DDX50: variants seen among roughly 807,000 people sequenced by gnomAD.
The protein encoded by DDX50 is DExD-box helicase 50.
A neutral mutation model predicts 94.8 loss-of-function variants in DDX50; 56 were observed. The observed-to-expected ratio is 0.59, with a 90% CI of 0.48 to 0.74. DDX50 has a LOEUF of 0.74. DDX50 is among the 30% of genes least tolerant of loss of function. DDX50 has a pLI of 0.00. For missense variants in DDX50, 713 were observed against 881.2 expected, an observed-to-expected ratio of 0.81 and a Z score of 2.42; for synonymous variants, 264 against 295.4, an observed-to-expected ratio of 0.89 and a Z score of 1.09.
At chr10:68,946,274 G>T in intron 14 of DDX50, 78 bp from the exon 15 acceptor site, 1 of 1,480,460 alleles carries the variant, frequency 6.8e-7, no homozygotes, top group Non-Finnish European at 9.0e-7. Flanking sequence ...ATATGAAAAA[G>T]GTGTCTTCTT....
chr10:68,921,385 G>A (rs1841935884), intron 8 of DDX50, among the ~76,000 whole-genome samples: 1 of 151,920 alleles, frequency 6.6e-6, no homozygotes, highest in Admixed American at 6.6e-5. Context: ...TGCATTTTTT[G>A]TAGCTTTTTT....
intron 13 of DDX50, among the ~76,000 whole-genome samples, chr10:68,942,333 T>G (rs1315862454): frequency 6.6e-6 from 1 of 152,210 alleles, no homozygotes; most frequent in African/African-American, 2.4e-5. Flanking sequence ...ACTGCATAGG[T>G]TCATTCTAGC....
Position 68,941,087 on chromosome 10 carries a change from C to T in DDX50, c.1783C>T (p.Leu595=). 6.2e-7 allele frequency: 1 copy of T among 1,611,554 alleles called. No individual in the cohort carries two copies. Among genetic ancestry groups the T allele is most frequent in the Non-Finnish European group, 8.5e-7 (1 of 1,179,734 alleles). The change falls in exon 13 of 15, where the codon CTA becomes TTA. Residue 595 remains leucine, a synonymous_variant. Coordinates refer to ENST00000373585, the MANE Select transcript of DDX50 (RefSeq NM_024045.2). The stretch of plus-strand genomic sequence containing the variant: ...GTTTGTGACCATGACTCTGGAAAGC[C>T]TAGAGGAAATACAGGATGTCAGCTG... ...KGFVTMTLES[L]EEIQDVSCAW...
intron 7 of DDX50, among the ~76,000 whole-genome samples, chr10:68,917,865 A>G (rs751028638): frequency 1.3e-5 from 2 of 151,910 alleles, no homozygotes; most frequent in Middle Eastern, 3.4e-3. Flanking sequence ...CGGCTCCCAA[A>G]GTGCTGGGAT....
intron 11 of DDX50, among the ~76,000 whole-genome samples, chr10:68,936,507 AAAAAAAAAATATATATATATAT>A (rs1313080921): frequency 2.2e-5 from 1 of 46,026 alleles, no homozygotes; most frequent in Non-Finnish European, 3.8e-5. Context: ...AAAAAAAAAA[AAAAAAAAAATATATATATATAT>A]ATATATATAT....
At chr10:68,913,688 A>G (rs1841702637) in intron 6 of DDX50, 112 bp downstream of exon 6, 3 of 1,018,766 alleles carry the variant, frequency 2.9e-6, no homozygotes, top group Non-Finnish European at 4.2e-6. Flanking sequence ...TAACAAAACT[A>G]AAATAATTTG....
intron 1 of DDX50, among the ~76,000 whole-genome samples, chr10:68,904,845 A>G (rs1381246924): frequency 6.6e-6 from 1 of 152,236 alleles, no homozygotes; most frequent in Non-Finnish European, 1.5e-5. Flanking sequence ...ATATGATGTA[A>G]TGTGTAACTG....
chr10:68,905,325 T>A (rs1405894392), intron 1 of DDX50, among the ~76,000 whole-genome samples: 3 of 150,208 alleles, frequency 2.0e-5, no homozygotes, highest in Admixed American at 6.7e-5. Context: ...TAGTGTTTTT[T>A]AAAAAAATTA....
chr10:68,937,124 A>G (rs934749398), intron 12 of DDX50, 29 bp downstream of exon 12: 1 of 1,569,182 alleles, frequency 6.4e-7, no homozygotes, highest in Non-Finnish European at 8.7e-7. Context: ...ATTGTACATG[A>G]GTGGGAAAAG....
chr10:68,910,433 C>G, intron 3 of DDX50, 51 bp downstream of exon 3: 8 of 1,467,668 alleles, frequency 5.5e-6, no homozygotes, highest in Non-Finnish European at 7.4e-6. Flanking sequence ...GACAGAGCCT[C>G]GCTCTGTTGC....
At position 68,936,863 on chromosome 10, in the gene DDX50, T is replaced by C; in HGVS notation, c.1596-73T>C. On this transcript the variant is annotated intron_variant, in intron 11 of 14. Transcript: ENST00000373585. ...CTCAAAAAAAAAAAATTACTCCTTC[T>C]TTTTCCCATTTTTCTTCTTATCTTT... 2.8e-6 allele frequency: 4 copies of C among 1,452,838 alleles called. No individual in the cohort carries two copies. In the South Asian group the frequency reaches 4.2e-5, roughly 15 times the overall value. 90.0% of individuals were successfully genotyped at this position (1,452,838 alleles called of 1,614,324 possible).
At chr10:68,908,628 T>A (rs1841534801) in intron 2 of DDX50, among the ~76,000 whole-genome samples, 1 of 147,696 alleles carries the variant, frequency 6.8e-6, no homozygotes, top group Non-Finnish European at 1.5e-5. Context: ...CTGTAGTTTT[T>A]AAAATTTCCT....
Position 68,929,092 on chromosome 10 carries a change from G to T in DDX50, c.1240-5107G>T, listed in dbSNP as rs1393684785. The stretch of plus-strand genomic sequence containing the variant: ...GCCTCCCGAAGCTTGTATTACAGGC[G>T]TGTGCCACCACGCCTCGCTAATTTT... On this transcript the variant is annotated intron_variant, in intron 8 of 14. Transcript: ENST00000373585. Among the ~76,000 whole-genome samples the T allele has an allele frequency of 2.0e-5, 3 of 152,114 alleles. No homozygotes were observed. In the East Asian group the frequency reaches 5.8e-4, roughly 30 times the overall value.
Position 68,946,414 on chromosome 10 carries a change from A to ATAT in DDX50, c.2002_2004dup (p.Tyr668dup). 6.2e-7 allele frequency: 1 copy of ATAT among 1,614,260 alleles called. No homozygotes were observed. Among genetic ancestry groups the ATAT allele is most frequent in the Non-Finnish European group, 8.5e-7 (1 of 1,180,050 alleles). On this transcript the variant is annotated inframe_insertion, in exon 15 of 15. Transcript: ENST00000373585. ...CAGCCAAATTACCTGAAATTGAAGA[A>ATAT]TATTATGATGGAAACACATCTTCTA...
At chr10:68,931,418 T>C (rs140786054) in intron 8 of DDX50, among the ~76,000 whole-genome samples, 7,534 of 28,184 alleles carry the variant, frequency 0.27, 421 homozygotes, top group East Asian at 0.39. Flanking sequence ...TATGTATATA[T>C]ATATATATAC....
chr10:68,911,800 A>T (rs929633957), intron 4 of DDX50: 1 of 152,224 alleles, frequency 6.6e-6, no homozygotes, highest in Non-Finnish European at 1.5e-5. Context: ...TAGAAATGAT[A>T]CTGCTAGTTT....
chr10:68,940,807 A>T (rs544628374), intron 12 of DDX50, among the ~76,000 whole-genome samples: 49 of 152,280 alleles, frequency 3.2e-4, no homozygotes, highest in African/African-American at 9.1e-4. Context: ...GGTTTGCTTA[A>T]TTCTTAATTC....
chr10:68,929,382 C>T (rs1420473629), intron 8 of DDX50, among the ~76,000 whole-genome samples: 1 of 142,414 alleles, frequency 7.0e-6, no homozygotes, highest in Admixed American at 7.6e-5. Context: ...CCTTTCTTTC[C>T]TTCCTTTCCT....
At chr10:68,942,493 T>C (rs1435683492) in intron 13 of DDX50, among the ~76,000 whole-genome samples, 2 of 152,178 alleles carry the variant, frequency 1.3e-5, no homozygotes, top group Non-Finnish European at 2.9e-5. Context: ...AATAGCAAGA[T>C]CCATAGGCCA....
Sources: gnomAD v4.1 joint callset for allele counts (sites outside exome capture counted in the v4.1 genomes callset) on GRCh38, gnomAD v4.1.1 for gene constraint, MANE v1.5 for transcripts, NCBI Gene and HGNC (gene_info 2026-07-23, HGNC 2026-07-21) for gene names.